NR1I2: variants seen among roughly 807,000 people sequenced by gnomAD.
NR1I2 encodes nuclear receptor subfamily 1 group I member 2, also known as orphan nuclear receptor PAR1.
Under a neutral mutation model 43.3 loss-of-function variants are expected in NR1I2, and 42 were observed. That is an observed-to-expected ratio of 0.97 (90% CI 0.76 to 1.26). The LOEUF (loss-of-function observed/expected upper bound fraction) is 1.26. Among genes scored for constraint, NR1I2 ranks in the 50% most tolerant of loss-of-function variants. NR1I2 has a pLI of 0.00. For synonymous variants in NR1I2, 229 were observed against 215.0 expected (o/e 1.06, Z -0.57); for missense variants, 559 against 566.7 (o/e 0.99, Z 0.14).
chr3:119,808,107 C>A (rs975182423), intron 2 of NR1I2, among the ~76,000 whole-genome samples: 9 of 152,224 alleles, frequency 5.9e-5, no homozygotes, highest in Non-Finnish European at 1.2e-4. Context: ...CAGTGTCAGA[C>A]TGGGTTCAGC....
Position 119,782,122 on chromosome 3 carries a change from G to T in NR1I2, c.-201G>T, listed in dbSNP as rs955814843. 1.3e-5 allele frequency: 2 copies of T among 152,350 alleles called. No individual in the cohort carries two copies. The highest frequency in any genetic ancestry group is 4.8e-5 in the African/African-American group (2 of 41,422). The allele number at this position is 152,350 out of a possible 1,614,324, so 9.4% of individuals were successfully genotyped here. A position where few individuals can be genotyped will look rare whatever the true frequency, so the allele number is the denominator to read the frequency against. On this transcript the variant is annotated 5_prime_UTR_variant, in exon 1 of 9. Coordinates refer to ENST00000393716, the MANE Select transcript of NR1I2 (RefSeq NM_003889.4). ...CTGCCTTTACTTCAGTGGGAATCTC[G>T]GCCTCAGCCTGCAAGCCAAGTGTTC...
At chr3:119,802,798 A>G (rs1002446712) in intron 1 of NR1I2, 9 of 438,188 alleles carry the variant, frequency 2.1e-5, no homozygotes, top group Admixed American at 7.3e-5. Context: ...TTTGGAATAC[A>G]TAACAGAATA....
chr3:119,803,362 A>C (rs1577278458), intron 1 of NR1I2, among the ~76,000 whole-genome samples: 2 of 150,612 alleles, frequency 1.3e-5, no homozygotes, highest in East Asian at 1.9e-4. Flanking sequence ...AGAGAGAGAG[A>C]GAGAGAGAGA....
In NR1I2 at chr3:119,817,702, T is replaced by C. The variant is rs879372374; in HGVS notation, c.*490T>C. On this transcript the variant is annotated 3_prime_UTR_variant, in exon 9 of 9. Transcript: ENST00000393716. ...CGTTCCCCTCCTCTTCCGAGCTGCT[T>C]TGTGGGCTCCAGGCCTGTACTCATC... 76 of 1,108,398 alleles carry C rather than the reference T, an allele frequency of 6.9e-5. 2 individuals carry two copies. In the Admixed American group the frequency reaches 1.7e-3, roughly 25 times the overall value. The allele number at this position is 1,108,398 out of a possible 1,614,324, so 68.7% of individuals were successfully genotyped here. A position where few individuals can be genotyped will look rare whatever the true frequency, so the allele number is the denominator to read the frequency against.
intron 1 of NR1I2, among the ~76,000 whole-genome samples, chr3:119,785,088 C>A (rs899014733): frequency 1.3e-5 from 2 of 152,222 alleles, no homozygotes; most frequent in East Asian, 1.9e-4. Flanking sequence ...ATTGGTTTTT[C>A]TTTGCCATTC....
chr3:119,805,174 GTTTA>G (rs1358177103), intron 1 of NR1I2, among the ~76,000 whole-genome samples: 2 of 152,012 alleles, frequency 1.3e-5, no homozygotes, highest in African/African-American at 4.8e-5. Context: ...CTCTCGTACT[GTTTA>G]TTTAAACATT....
At chr3:119,805,916 C>T (rs954341031) in intron 1 of NR1I2, among the ~76,000 whole-genome samples, 6 of 152,070 alleles carry the variant, frequency 3.9e-5, no homozygotes, top group Non-Finnish European at 5.9e-5. Flanking sequence ...TCCCCTGTGC[C>T]TGTTCAGTTC....
chr3:119,796,582 T>C (rs1423375620), intron 1 of NR1I2, among the ~76,000 whole-genome samples: 1 of 152,252 alleles, frequency 6.6e-6, no homozygotes. Context: ...GCTCCTTCTG[T>C]AGCAGAAACT....
At position 119,817,775 on chromosome 3, in the gene NR1I2, C is replaced by CAGG; in HGVS notation, c.*567_*569dup. 1 of 1,002,054 alleles carries CAGG rather than the reference C, an allele frequency of 1.0e-6. No homozygotes were observed. The highest frequency in any genetic ancestry group is 1.2e-6 in the Non-Finnish European group (1 of 838,656). The allele number at this position is 1,002,054 out of a possible 1,614,324, so 62.1% of individuals were successfully genotyped here. ...GGAGTCCTCTAGAGAGATGAGAAGC[C>CAGG]AGGAGGCCTGCACCAAATGTCAGAA... On this transcript the variant is annotated 3_prime_UTR_variant, in exon 9 of 9. Transcript: ENST00000393716.
intron 1 of NR1I2, chr3:119,782,749 G>A (rs765968398): frequency 2.5e-6 from 4 of 1,612,302 alleles, no homozygotes; most frequent in Non-Finnish European, 3.4e-6. Context: ...TGAGGCCAAG[G>A]ACAGCAGCAT....
intron 1 of NR1I2, among the ~76,000 whole-genome samples, chr3:119,793,013 T>C (rs1379052350): frequency 6.6e-6 from 1 of 152,056 alleles, no homozygotes; most frequent in Non-Finnish European, 1.5e-5. Flanking sequence ...TCACTCTTAG[T>C]TCATAGAAGA....
chr3:119,799,782 C>A (rs1240115098), intron 1 of NR1I2, among the ~76,000 whole-genome samples: 1 of 152,038 alleles, frequency 6.6e-6, no homozygotes, highest in Non-Finnish European at 1.5e-5. Flanking sequence ...GAATTTGAGA[C>A]CAGCCTGGCC....
intron 1 of NR1I2, among the ~76,000 whole-genome samples, chr3:119,804,024 C>T (rs1464934486): frequency 6.6e-6 from 1 of 151,886 alleles, no homozygotes; most frequent in Non-Finnish European, 1.5e-5. Flanking sequence ...TCCCAAAGTG[C>T]TGGGATTACA....
chr3:119,815,608 C>A, intron 7 of NR1I2, 118 bp from the exon 8 acceptor site: 1 of 1,066,830 alleles, frequency 9.4e-7, no homozygotes, highest in Admixed American at 2.0e-5. Context: ...TCTTCCTTCA[C>A]TTCCCTGCCT....
chr3:119,794,832 G>A (rs1205266506), intron 1 of NR1I2, among the ~76,000 whole-genome samples: 1 of 152,156 alleles, frequency 6.6e-6, no homozygotes, highest in Non-Finnish European at 1.5e-5. Context: ...CCAGCTACTT[G>A]GGAGGCTGAG....
chr3:119,785,323 G>T (rs2054830091), intron 1 of NR1I2, among the ~76,000 whole-genome samples: 1 of 152,184 alleles, frequency 6.6e-6, no homozygotes, highest in African/African-American at 2.4e-5. Flanking sequence ...TCCTCTAGAG[G>T]ATTTATTTTT....
intron 1 of NR1I2, among the ~76,000 whole-genome samples, chr3:119,785,342 C>T (rs1340631076): frequency 6.6e-6 from 1 of 152,134 alleles, no homozygotes; most frequent in Non-Finnish European, 1.5e-5. Context: ...TTGCTTTTGC[C>T]AGGAACCTGA....
Position 119,810,060 on chromosome 3 carries a change from G to C in NR1I2, c.198-1G>C. On this transcript the variant is annotated splice_acceptor_variant, in intron 2 of 8. Transcript: ENST00000393716. LOFTEE classifies it high-confidence loss of function. ...CCCTTCTGCTCCCCATTCTCTCACA[G>C]GAGGGCCATGAAACGCAACGCCCGG... 6.2e-7 allele frequency: 1 copy of C among 1,613,828 alleles called. No homozygotes were observed. Among genetic ancestry groups the C allele is most frequent in the Non-Finnish European group, 8.5e-7 (1 of 1,179,920 alleles).
chr3:119,815,717 C>A lies in NR1I2; in HGVS notation c.1055-9C>A. ...CCATGATCTTGCACCACACCTCCCT[C>A]CCCTCCAGACCGCCCAGGTGTGCTG... On this transcript the variant is annotated splice_polypyrimidine_tract_variant and intron_variant, in intron 7 of 8. Transcript: ENST00000393716. The A allele has an allele frequency of 6.2e-7, 1 of 1,607,626 alleles. No individual in the cohort carries two copies. Among genetic ancestry groups the A allele is most frequent in the Non-Finnish European group, 8.5e-7 (1 of 1,175,718 alleles).
Sources: allele counts gnomAD v4.1 joint callset (sites outside exome capture counted in the v4.1 genomes callset), GRCh38; gene constraint gnomAD v4.1.1; transcripts MANE v1.5; gene names NCBI Gene and HGNC (gene_info 2026-07-23, HGNC 2026-07-21).